Variants in NNMT observed in about 807,000 individuals in gnomAD.
The protein encoded by NNMT is nicotinamide N-methyltransferase.
Under a neutral mutation model 11.7 loss-of-function variants are expected in NNMT, and 10 were observed. That is an observed-to-expected ratio of 0.85 (90% CI 0.53 to 1.45). NNMT has a LOEUF of 1.45. NNMT is among the 40% of genes most tolerant of loss of function. The pLI is 0.00. For synonymous variants in NNMT, 143 were observed against 133.8 expected (o/e 1.07, Z -0.48); for missense variants, 381 against 319.4 (o/e 1.19, Z -1.47).
intron 2 of NNMT, among the ~76,000 whole-genome samples, chr11:114,282,862 G>T (rs974132037): frequency 6.6e-6 from 1 of 152,194 alleles, no homozygotes. Context: ...ATTTTGTTAA[G>T]CCACTGAGGT....
chr11:114,312,164 T>C lies in NNMT; in HGVS notation c.482T>C (p.Leu161Pro). Residue 161 changes from leucine (L) to proline (P), a missense_variant, in exon 3 of 3, where the codon CTC becomes CCC. Transcript: ENST00000299964. The stretch of plus-strand genomic sequence containing the variant: ...CCCTTACCCCCGGCTGACTGCGTGC[T>C]CAGCACACTGTGTCTGGATGCCGCC... ...AVPLPPADCV[L>P]STLCLDAACP... 6.2e-7 allele frequency: 1 copy of C among 1,614,206 alleles called. No individual in the cohort carries two copies. The highest frequency in any genetic ancestry group is 8.5e-7 in the Non-Finnish European group (1 of 1,180,014).
At chr11:114,302,648 G>A (rs1017990688) in intron 2 of NNMT, among the ~76,000 whole-genome samples, 6 of 152,004 alleles carry the variant, frequency 3.9e-5, no homozygotes, top group Non-Finnish European at 7.4e-5. Context: ...ATAGTGTTAA[G>A]TATAGTCACA....
intron 2 of NNMT, among the ~76,000 whole-genome samples, chr11:114,274,090 C>T (rs574015794): frequency 7.2e-5 from 11 of 152,166 alleles, no homozygotes; most frequent in Non-Finnish European, 1.0e-4. Flanking sequence ...GGGGACTGTG[C>T]TCAGTCATGT....
chr11:114,294,187 A>G (rs1945354115), upstream of NNMT, among the ~76,000 whole-genome samples: 1 of 152,084 alleles, frequency 6.6e-6, no homozygotes, highest in Non-Finnish European at 1.5e-5. Flanking sequence ...TAATGGGTAT[A>G]AAAAATAGTT....
chr11:114,286,254 C>A (rs1016222015), intron 2 of NNMT, among the ~76,000 whole-genome samples: 14 of 152,152 alleles, frequency 9.2e-5, no homozygotes, highest in African/African-American at 3.1e-4. Context: ...TCTGGATATG[C>A]AGGATGTTTT....
chr11:114,271,732 T>C (rs974111472), intron 2 of NNMT, among the ~76,000 whole-genome samples: 5 of 152,200 alleles, frequency 3.3e-5, no homozygotes, highest in African/African-American at 1.2e-4. Flanking sequence ...CAGGGTGTTG[T>C]GTTCGGGAGC....
At chr11:114,306,223 A>G (rs1395036280) in intron 2 of NNMT, among the ~76,000 whole-genome samples, 26 of 152,004 alleles carry the variant, frequency 1.7e-4, no homozygotes, top group Admixed American at 1.6e-3. Context: ...AAATTTGTTT[A>G]AGTTCTTTGT....
Position 114,312,197 on chromosome 11 carries a change from AC to A in NNMT, c.517del (p.Leu173SerfsTer15), listed in dbSNP as rs1246129758. The A allele has an allele frequency of 6.2e-7, 1 of 1,613,812 alleles. No homozygotes were observed. The highest frequency in any genetic ancestry group is 8.5e-7 in the Non-Finnish European group (1 of 1,179,978). On this transcript the variant is annotated frameshift_variant, in exon 3 of 3. Transcript: ENST00000299964. LOFTEE classifies it low-confidence loss of function (END_TRUNC). ...CTGTGTCTGGATGCCGCCTGCCCAG[AC>A]CTCCCCACCTACTGCAGGGCGCTCA... The part of the protein sequence containing the change: ...STLCLDAACP[D>X]LPTYCRALRN...
chr11:114,279,307 C>T (rs891619250), intron 2 of NNMT, among the ~76,000 whole-genome samples: 1 of 152,170 alleles, frequency 6.6e-6, no homozygotes, highest in Admixed American at 6.5e-5. Flanking sequence ...GACTCTACTA[C>T]AAGGCAGAAT....
At chr11:114,262,385 G>A (rs1166915814) in intron 1 of NNMT, among the ~76,000 whole-genome samples, 1 of 152,058 alleles carries the variant, frequency 6.6e-6, no homozygotes, top group Non-Finnish European at 1.5e-5. Flanking sequence ...GCCCCGGTGT[G>A]TGTTGTTCCC....
At chr11:114,295,305 G>A (rs191743490), upstream of NNMT, among the ~76,000 whole-genome samples, 2 of 152,144 alleles carry the variant, frequency 1.3e-5, no homozygotes, top group Admixed American at 6.5e-5. Context: ...AGTGGTGTGG[G>A]TTTTGTGACC....
intron 1 of NNMT, among the ~76,000 whole-genome samples, chr11:114,258,189 G>A (rs984119192): frequency 6.6e-5 from 10 of 152,184 alleles, no homozygotes; most frequent in Non-Finnish European, 1.0e-4. Flanking sequence ...GACAGGCACC[G>A]AGGCAGGGGC....
intron 1 of NNMT, among the ~76,000 whole-genome samples, chr11:114,260,975 C>G (rs1945075439): frequency 6.6e-6 from 1 of 152,212 alleles, no homozygotes; most frequent in African/African-American, 2.4e-5. Context: ...ATACCTAGCC[C>G]ACCCATCCTC....
intron 2 of NNMT, among the ~76,000 whole-genome samples, chr11:114,287,630 T>C (rs1252548537): frequency 1.3e-5 from 2 of 152,234 alleles, no homozygotes; most frequent in African/African-American, 2.4e-5. Context: ...TACTACTCTG[T>C]CTTAATTACT....
In NNMT at chr11:114,279,910, C is replaced by G. The variant is rs147008959; in HGVS notation, c.-129-16518C>G. ...GTAACATGTCCACACTGACTTTGAACTAACAGGAACTAGCAGGTTGCCAGG... is the reference window on the plus strand; with the variant it reads ...GTAACATGTCCACACTGACTTTGAAGTAACAGGAACTAGCAGGTTGCCAGG... On this transcript the variant is annotated intron_variant, in intron 2 of 4. Coordinates refer to the NNMT transcript ENST00000535401. Among the ~76,000 whole-genome samples, 23 of 152,242 alleles carry G rather than the reference C, an allele frequency of 1.5e-4. No homozygotes were observed. In the East Asian group the frequency reaches 1.9e-3, roughly 13 times the overall value.
At chr11:114,279,751 G>A (rs1194424555) in intron 2 of NNMT, among the ~76,000 whole-genome samples, 2 of 152,202 alleles carry the variant, frequency 1.3e-5, no homozygotes, top group East Asian at 3.8e-4. Context: ...CATTTGCCAG[G>A]TACTAAGAAT....
intron 2 of NNMT, among the ~76,000 whole-genome samples, chr11:114,283,553 T>C (rs975595543): frequency 6.6e-6 from 1 of 152,202 alleles, no homozygotes; most frequent in Non-Finnish European, 1.5e-5. Flanking sequence ...TGAATTTCCT[T>C]CCACTGTACA....
intron 2 of NNMT, chr11:114,270,589 GA>G (rs1174673468): frequency 6.6e-6 from 1 of 152,234 alleles, no homozygotes; most frequent in African/African-American, 2.4e-5. Context: ...CTGGAGGCTG[GA>G]AGTCCAAGAC....
chr11:114,300,752 A>G (rs149759066), intron 2 of NNMT, among the ~76,000 whole-genome samples: 250 of 152,260 alleles, frequency 1.6e-3, no homozygotes, highest in African/African-American at 5.8e-3. Flanking sequence ...TGATGAACTG[A>G]CCACTTTACC....
Sources: gnomAD v4.1 joint callset for allele counts (sites outside exome capture counted in the v4.1 genomes callset) on GRCh38, gnomAD v4.1.1 for gene constraint, MANE v1.5 for transcripts, NCBI Gene and HGNC (gene_info 2026-07-23, HGNC 2026-07-21) for gene names.